Variants in DAB1 observed in about 807,000 individuals in gnomAD.
DAB1 encodes the protein DAB adaptor protein 1.
DAB1 carries 15 observed loss-of-function variants against 64.6 expected under a neutral mutation model. The observed-to-expected ratio is 0.23, with a 90% CI of 0.16 to 0.36. DAB1 has a LOEUF of 0.36. Among genes scored for constraint, DAB1 ranks in the 10% least tolerant of loss-of-function variants. DAB1 has a pLI of 1.00. For missense variants in DAB1, 596 were observed against 706.7 expected, an observed-to-expected ratio of 0.84 and a Z score of 1.78; for synonymous variants, 235 against 251.9, an observed-to-expected ratio of 0.93 and a Z score of 0.64.
At chr1:58,168,849 A>G (rs145479276) in intron 4 of DAB1, among the ~76,000 whole-genome samples, 205 of 152,284 alleles carry the variant, frequency 1.3e-3, no homozygotes, top group African/African-American at 4.8e-3. Context: ...TAAAGTCCCA[A>G]TACTAACATG....
At chr1:57,179,248 C>T (rs1662656857) in intron 2 of DAB1, among the ~76,000 whole-genome samples, 1 of 152,108 alleles carries the variant, frequency 6.6e-6, no homozygotes, top group Non-Finnish European at 1.5e-5. Context: ...AAAGAGGCCC[C>T]CACTGCTTGT....
chr1:57,755,852 G>A lies in DAB1; in HGVS notation n.552-106187C>T, dbSNP rs527240873. 1.4e-4 allele frequency among the ~76,000 whole-genome samples: 22 copies of A among 152,262 alleles called. No homozygotes were observed. In the South Asian group the frequency reaches 4.6e-3, roughly 32 times the overall value. On this transcript the variant is annotated intron_variant and non_coding_transcript_variant, in intron 6 of 20. Transcript: ENST00000485760. ...TGTCATTACTGGGTCCCGTTAATTA[G>A]CCAGTTTTTCTTTCTTAAATGCAAG...
At chr1:58,037,521 T>C (rs1647063696) in intron 5 of DAB1, among the ~76,000 whole-genome samples, 1 of 152,140 alleles carries the variant, frequency 6.6e-6, no homozygotes. Context: ...GGGAACTCCA[T>C]TGTGAACTGT....
At chr1:58,266,547 A>G (rs576642518) in intron 4 of DAB1, among the ~76,000 whole-genome samples, 1 of 152,314 alleles carries the variant, frequency 6.6e-6, no homozygotes, top group Non-Finnish European at 1.5e-5. Flanking sequence ...CATAAAGTAA[A>G]GATAGTATTC....
chr1:58,069,867 A>G (rs978437574), intron 5 of DAB1, among the ~76,000 whole-genome samples: 1 of 152,046 alleles, frequency 6.6e-6, no homozygotes, highest in African/African-American at 2.4e-5. Context: ...TTATTCCAAC[A>G]CCTATGCTTT....
intron 3 of DAB1, among the ~76,000 whole-genome samples, chr1:58,491,353 C>A (rs2100377980): frequency 6.6e-6 from 1 of 152,274 alleles, no homozygotes; most frequent in African/African-American, 2.4e-5. Context: ...GAAACTGCAT[C>A]AACTCACGAG....
At chr1:57,141,313 C>T (rs1405576315) in intron 3 of DAB1, among the ~76,000 whole-genome samples, 1 of 152,166 alleles carries the variant, frequency 6.6e-6, no homozygotes, top group Non-Finnish European at 1.5e-5. Context: ...CAGTTGTGTT[C>T]CACCAATGCA....
At chr1:57,394,846 T>C (rs1209970034) in intron 1 of DAB1, among the ~76,000 whole-genome samples, 1 of 152,198 alleles carries the variant, frequency 6.6e-6, no homozygotes, top group Admixed American at 6.5e-5. Context: ...GAAACCTTTA[T>C]GGGTCTGATT....
intron 2 of DAB1, among the ~76,000 whole-genome samples, chr1:57,264,340 T>C (rs942325895): frequency 2.0e-5 from 3 of 152,178 alleles, no homozygotes; most frequent in Admixed American, 6.5e-5. Context: ...GGAAAACAGA[T>C]ACTCAACAGG....
At chr1:57,515,751 C>A (rs1644456915) in intron 7 of DAB1, among the ~76,000 whole-genome samples, 1 of 152,192 alleles carries the variant, frequency 6.6e-6, no homozygotes, top group Non-Finnish European at 1.5e-5. Context: ...TTTCTTGTGC[C>A]AAGCCTTGAG....
intron 2 of DAB1, among the ~76,000 whole-genome samples, chr1:57,273,490 C>A (rs1004849253): frequency 1.3e-5 from 2 of 151,782 alleles, no homozygotes; most frequent in East Asian, 3.9e-4. Context: ...CTTAGGACAG[C>A]GCCAACATCT....
intron 7 of DAB1, among the ~76,000 whole-genome samples, chr1:57,643,745 G>A (rs905241939): frequency 2.0e-5 from 3 of 152,082 alleles, no homozygotes; most frequent in African/African-American, 7.2e-5. Flanking sequence ...ACTCCATTAC[G>A]AATTCTCAAG....
At chr1:58,280,448 T>C (rs917504104) in intron 4 of DAB1, among the ~76,000 whole-genome samples, 2 of 152,240 alleles carry the variant, frequency 1.3e-5, no homozygotes, top group African/African-American at 4.8e-5. Flanking sequence ...TCCACTTCTC[T>C]TGAGCTTGAG....
At chr1:57,923,722 C>A (rs767872199) in intron 5 of DAB1, among the ~76,000 whole-genome samples, 1 of 152,276 alleles carries the variant, frequency 6.6e-6, no homozygotes, top group African/African-American at 2.4e-5. Context: ...GAAACAAGAA[C>A]CTCAAAAGGT....
At chr1:58,206,932 T>C (rs1280759437) in intron 4 of DAB1, among the ~76,000 whole-genome samples, 1 of 152,220 alleles carries the variant, frequency 6.6e-6, no homozygotes, top group Non-Finnish European at 1.5e-5. Flanking sequence ...GAAGTGATGA[T>C]GAGGCTGTTT....
At chr1:57,701,167 C>A (rs1469660787) in intron 6 of DAB1, among the ~76,000 whole-genome samples, 1 of 151,932 alleles carries the variant, frequency 6.6e-6, no homozygotes, top group Non-Finnish European at 1.5e-5. Context: ...GGATCTAGAA[C>A]TAGAAATACC....
Position 57,045,145 on chromosome 1 carries a change from G to C in DAB1, c.723+17739C>G, listed in dbSNP as rs572445856. On this transcript the variant is annotated intron_variant, in intron 9 of 14. Coordinates refer to ENST00000371236, the MANE Select transcript of DAB1 (RefSeq NM_001365792.1). ...TTATGTTATAGTGAGGAGAACAAAA[G>C]GTATAAGACGACCTGTGTTTTAAGA... Among the ~76,000 whole-genome samples, 54 of 152,242 alleles carry C rather than the reference G, an allele frequency of 3.5e-4. 1 individual carries two copies. The highest frequency in any genetic ancestry group is 3.3e-3 in the Admixed American group (50 of 15,296).
At chr1:57,339,488 T>A (rs1425154281) in intron 1 of DAB1, among the ~76,000 whole-genome samples, 4 of 152,216 alleles carry the variant, frequency 2.6e-5, no homozygotes, top group Non-Finnish European at 5.9e-5. Flanking sequence ...TACATTGTTT[T>A]CAAAGCCTTT....
At chr1:57,749,363 C>T (rs1648445692) in intron 6 of DAB1, among the ~76,000 whole-genome samples, 2 of 152,224 alleles carry the variant, frequency 1.3e-5, no homozygotes, top group South Asian at 2.1e-4. Flanking sequence ...AAGCCAGTGC[C>T]CTACAAGTCA....
Sources: allele counts gnomAD v4.1 joint callset (sites outside exome capture counted in the v4.1 genomes callset), GRCh38; gene constraint gnomAD v4.1.1; transcripts MANE v1.5; gene names NCBI Gene and HGNC (gene_info 2026-07-23, HGNC 2026-07-21).